The following PRIM2 variants were observed in gnomAD, a reference collection of about 807,000 sequenced individuals.
PRIM2 encodes the protein DNA primase large subunit.
PRIM2 carries 39 observed loss-of-function variants against 67.3 expected under a neutral mutation model. The observed-to-expected ratio is 0.58, with a 90% confidence interval of 0.45 to 0.76. PRIM2 has a LOEUF of 0.76. Among genes scored for constraint, PRIM2 ranks in the 30% least tolerant of loss-of-function variants. PRIM2 has a pLI of 0.00. For missense variants in PRIM2, 398 were observed against 598.7 expected, an observed-to-expected ratio of 0.66 and a Z score of 3.50; for synonymous variants, 143 against 198.7, an observed-to-expected ratio of 0.72 and a Z score of 2.36.
intron 7 of PRIM2, among the ~76,000 whole-genome samples, chr6:57,428,275 C>G (rs1478781803): frequency 1.3e-5 from 2 of 152,114 alleles, no homozygotes; most frequent in Admixed American, 6.5e-5. Flanking sequence ...GATTATGAAT[C>G]AATATCAAGT....
intron 12 of PRIM2, among the ~76,000 whole-genome samples, chr6:57,620,840 C>T (rs1327899547): frequency 6.6e-6 from 1 of 152,264 alleles, no homozygotes; most frequent in Non-Finnish European, 1.5e-5. Context: ...GGAGACTAAC[C>T]TAACACATAA....
intron 5 of PRIM2, 157 bp downstream of exon 5, chr6:57,326,202 C>T (rs1767848772): frequency 1.5e-6 from 1 of 687,844 alleles, no homozygotes; most frequent in Admixed American, 4.2e-5. Flanking sequence ...TATATCTTTC[C>T]TTCTCTATGA....
the PRIM2 span, among the ~76,000 whole-genome samples, chr6:57,308,013 T>C: frequency 4.6e-5 from 7 of 152,250 alleles, no homozygotes; most frequent in Non-Finnish European, 1.0e-4. Context: ...ATTATATTTA[T>C]GTGATTCATC....
At chr6:57,316,907 T>C (rs1767497388), upstream of PRIM2, among the ~76,000 whole-genome samples, 1 of 152,264 alleles carries the variant, frequency 6.6e-6, no homozygotes, top group African/African-American at 2.4e-5. Context: ...TTCCTGCGAA[T>C]GTGCCTTCTT....
chr6:57,347,371 A>G (rs1768712059), intron 5 of PRIM2, among the ~76,000 whole-genome samples: 1 of 152,208 alleles, frequency 6.6e-6, no homozygotes, highest in African/African-American at 2.4e-5. Flanking sequence ...AGAGATTATC[A>G]CTAATAGCTA....
At chr6:57,433,607 T>C (rs1347926470) in intron 7 of PRIM2, among the ~76,000 whole-genome samples, 1 of 152,164 alleles carries the variant, frequency 6.6e-6, no homozygotes, top group Non-Finnish European at 1.5e-5. Context: ...TGACTTTAAC[T>C]GCAGTTACAT....
At chr6:57,250,653 CAGAA>C in the PRIM2 span, among the ~76,000 whole-genome samples, 3 of 152,202 alleles carry the variant, frequency 2.0e-5, no homozygotes, top group South Asian at 4.1e-4. Context: ...TAATTGCAGA[CAGAA>C]GGAAGGGCAT....
chr6:57,593,358 A>G (rs1418806538), intron 10 of PRIM2, among the ~76,000 whole-genome samples: 1 of 151,218 alleles, frequency 6.6e-6, no homozygotes, highest in Non-Finnish European at 1.5e-5. Flanking sequence ...GCTGGAGTGC[A>G]ATGGCGCAAT....
chr6:57,242,785 G>A, the PRIM2 span, among the ~76,000 whole-genome samples: 1 of 152,072 alleles, frequency 6.6e-6, no homozygotes, highest in Non-Finnish European at 1.5e-5. Context: ...ATTATAATTA[G>A]GCAATGATGT....
intron 7 of PRIM2, chr6:57,383,730 A>G (rs1384021238): frequency 6.6e-6 from 1 of 152,184 alleles, no homozygotes; most frequent in Admixed American, 6.5e-5. Context: ...ATAGACATGT[A>G]GAAAGATGGA....
At chr6:57,234,594 G>T in the PRIM2 span, among the ~76,000 whole-genome samples, 1 of 151,676 alleles carries the variant, frequency 6.6e-6, no homozygotes, top group South Asian at 2.1e-4. Flanking sequence ...CGCAATCTTG[G>T]CTCACTGCAA....
chr6:57,241,602 G>T, the PRIM2 span, among the ~76,000 whole-genome samples: 2 of 150,658 alleles, frequency 1.3e-5, no homozygotes, highest in Admixed American at 6.6e-5. Context: ...AGTGTTGAAA[G>T]TCTTTGGAAA....
intron 7 of PRIM2, among the ~76,000 whole-genome samples, chr6:57,477,094 G>A (rs1219612396): frequency 6.6e-6 from 1 of 152,098 alleles, no homozygotes; most frequent in Non-Finnish European, 1.5e-5. Flanking sequence ...GGGCTTCATC[G>A]ATCCTCCCAC....
At chr6:57,369,776 C>G (rs1769482037) in intron 5 of PRIM2, among the ~76,000 whole-genome samples, 1 of 152,078 alleles carries the variant, frequency 6.6e-6, no homozygotes, top group African/African-American at 2.4e-5. Flanking sequence ...TTTGAATTCC[C>G]CTATACACCA....
chr6:57,416,734 T>C (rs1771275794), intron 7 of PRIM2, among the ~76,000 whole-genome samples: 1 of 152,188 alleles, frequency 6.6e-6, no homozygotes, highest in Non-Finnish European at 1.5e-5. Context: ...TGCTTCACCT[T>C]GTACTTTTAT....
chr6:57,433,553 C>T (rs1323880446), intron 7 of PRIM2, among the ~76,000 whole-genome samples: 1 of 152,108 alleles, frequency 6.6e-6, no homozygotes, highest in Admixed American at 6.6e-5. Context: ...CTTAGGGGAG[C>T]AATTTGTTCC....
At chr6:57,373,180 T>C (rs1345961171) in intron 5 of PRIM2, among the ~76,000 whole-genome samples, 2 of 152,190 alleles carry the variant, frequency 1.3e-5, no homozygotes, top group African/African-American at 4.8e-5. Flanking sequence ...TGGTACCTCA[T>C]TGTGGTTTTG....
chr6:57,436,750 T>C (rs1237809669), intron 7 of PRIM2, among the ~76,000 whole-genome samples: 1 of 152,188 alleles, frequency 6.6e-6, no homozygotes, highest in Non-Finnish European at 1.5e-5. Context: ...TCTCTATAGA[T>C]TATTTTCTTT....
intron 7 of PRIM2, among the ~76,000 whole-genome samples, chr6:57,479,898 A>G (rs1773573114): frequency 6.6e-6 from 1 of 152,262 alleles, no homozygotes. Flanking sequence ...TAACTATGGT[A>G]TCAGGCAGAA....
Sources: gnomAD v4.1 joint callset for allele counts (sites outside exome capture counted in the v4.1 genomes callset) on GRCh38, gnomAD v4.1.1 for gene constraint, MANE v1.5 for transcripts, NCBI Gene and HGNC (gene_info 2026-07-23, HGNC 2026-07-21) for gene names.